ELMO1: variants seen among roughly 807,000 people sequenced by gnomAD.
ELMO1 encodes engulfment and cell motility protein 1.
A neutral mutation model predicts 98.9 loss-of-function variants in ELMO1; 26 were observed. The observed-to-expected ratio is 0.26, with a 90% CI of 0.19 to 0.36. ELMO1 has a LOEUF of 0.36. Ranked by LOEUF, ELMO1 falls within the 10% of genes least tolerant of loss-of-function variation. ELMO1 has a pLI of 1.00. For synonymous variants in ELMO1, 346 were observed against 346.0 expected (o/e 1.00, Z 0.00); for missense variants, 627 against 935.2 (o/e 0.67, Z 4.30).
chr7:37,154,851 C>T (rs992856786), intron 13 of ELMO1, among the ~76,000 whole-genome samples: 6 of 152,102 alleles, frequency 3.9e-5, no homozygotes, highest in Non-Finnish European at 4.4e-5. Context: ...AACCCCAAGA[C>T]ACATAATTGT....
intron 2 of ELMO1, among the ~76,000 whole-genome samples, chr7:37,332,525 A>G (rs1800189501): frequency 6.6e-6 from 1 of 152,238 alleles, no homozygotes; most frequent in Non-Finnish European, 1.5e-5. Flanking sequence ...GGCCTTAGAG[A>G]AAGGTCTAAG....
At chr7:37,120,388 G>A (rs529648792) in intron 14 of ELMO1, among the ~76,000 whole-genome samples, 212 of 152,356 alleles carry the variant, frequency 1.4e-3, no homozygotes, top group African/African-American at 5.0e-3. Context: ...AAGGGAAGGG[G>A]TAACAAACAG....
At chr7:37,226,113 G>T (rs186341860) in intron 8 of ELMO1, among the ~76,000 whole-genome samples, 1 of 152,256 alleles carries the variant, frequency 6.6e-6, no homozygotes, top group Admixed American at 6.5e-5. Context: ...ATTTCCAGGT[G>T]AAAGGAGGGG....
chr7:37,097,958 T>C (rs1427503211), intron 14 of ELMO1, among the ~76,000 whole-genome samples: 1 of 152,224 alleles, frequency 6.6e-6, no homozygotes, highest in Non-Finnish European at 1.5e-5. Context: ...GAGATGTTCC[T>C]AACACTCTCA....
intron 13 of ELMO1, among the ~76,000 whole-genome samples, chr7:37,144,646 C>T (rs2129312276): frequency 6.6e-6 from 1 of 152,298 alleles, no homozygotes; most frequent in South Asian, 2.1e-4. Context: ...TGAAATGCTG[C>T]TCTGTGAATC....
At chr7:37,308,505 A>AT (rs1426203234) in intron 4 of ELMO1, among the ~76,000 whole-genome samples, 1 of 152,102 alleles carries the variant, frequency 6.6e-6, no homozygotes, top group African/African-American at 2.4e-5. Context: ...CTCTGCCTAA[A>AT]TGTCACTTCC....
intron 1 of ELMO1, among the ~76,000 whole-genome samples, chr7:37,378,750 T>C (rs1802467541): frequency 6.6e-6 from 1 of 150,948 alleles, no homozygotes; most frequent in Admixed American, 6.6e-5. Context: ...TCATTCCTGA[T>C]CTTTTTTTTT....
intron 15 of ELMO1, among the ~76,000 whole-genome samples, chr7:37,047,495 G>T (rs1795862377): frequency 6.6e-6 from 1 of 152,236 alleles, no homozygotes; most frequent in Admixed American, 6.5e-5. Flanking sequence ...AGCAGGGCAG[G>T]TTCAGCTACT....
chr7:37,413,795 C>T (rs757770956), intron 1 of ELMO1, among the ~76,000 whole-genome samples: 14 of 152,166 alleles, frequency 9.2e-5, no homozygotes, highest in African/African-American at 2.2e-4. Flanking sequence ...CTTGTGCCTC[C>T]GCCGCCCAAA....
chr7:37,401,638 T>G (rs1340819607), intron 1 of ELMO1, among the ~76,000 whole-genome samples: 1 of 152,138 alleles, frequency 6.6e-6, no homozygotes. Context: ...AGGAGAAGAA[T>G]TCAGGCAAAA....
intron 13 of ELMO1, among the ~76,000 whole-genome samples, chr7:37,146,359 C>T (rs1218782277): frequency 1.3e-5 from 2 of 152,200 alleles, no homozygotes; most frequent in Non-Finnish European, 2.9e-5. Context: ...ATAAGAACCA[C>T]TGCTCCAAAG....
chr7:37,097,588 GAGAA>G (rs1450212833), intron 14 of ELMO1, among the ~76,000 whole-genome samples: 4 of 145,976 alleles, frequency 2.7e-5, no homozygotes, highest in African/African-American at 7.6e-5. Context: ...CACCTCAAAA[GAGAA>G]AGAAAGAGAG....
intron 21 of ELMO1, among the ~76,000 whole-genome samples, chr7:36,857,165 C>T (rs1802259787): frequency 6.6e-6 from 1 of 152,172 alleles, no homozygotes; most frequent in South Asian, 2.1e-4. Flanking sequence ...TCTACCTTGG[C>T]TATGTGATCT....
intron 4 of ELMO1, among the ~76,000 whole-genome samples, chr7:37,301,021 A>T (rs1282283470): frequency 1.3e-5 from 2 of 151,770 alleles, no homozygotes; most frequent in African/African-American, 2.4e-5. Context: ...CGAGGAATTT[A>T]TCCATTTCTT....
chr7:37,187,344 G>T (rs1259476160), intron 13 of ELMO1, among the ~76,000 whole-genome samples: 1 of 152,094 alleles, frequency 6.6e-6, no homozygotes, highest in Admixed American at 6.6e-5. Flanking sequence ...GTCTTGTTGG[G>T]ATAATGAAAA....
At chr7:37,282,953 A>G (rs1797216029) in intron 4 of ELMO1, among the ~76,000 whole-genome samples, 1 of 152,246 alleles carries the variant, frequency 6.6e-6, no homozygotes, top group African/African-American at 2.4e-5. Context: ...AAGCCAAAAA[A>G]AGAAAGAACA....
chr7:37,120,459 C>T (rs537997371), intron 14 of ELMO1, among the ~76,000 whole-genome samples: 74 of 152,326 alleles, frequency 4.9e-4, no homozygotes, highest in Non-Finnish European at 8.5e-4. Context: ...TTTTAGCAAA[C>T]GGCACACCAG....
chr7:37,011,227 G>T (rs1793529572), intron 16 of ELMO1, among the ~76,000 whole-genome samples: 1 of 152,148 alleles, frequency 6.6e-6, no homozygotes, highest in South Asian at 2.1e-4. Flanking sequence ...CACTCTGGGG[G>T]GCTTGCTGTC....
At chr7:37,366,413 G>T (rs1801905558) in intron 1 of ELMO1, among the ~76,000 whole-genome samples, 1 of 152,086 alleles carries the variant, frequency 6.6e-6, no homozygotes, top group African/African-American at 2.4e-5. Context: ...TGTGAGGAAG[G>T]TCAGCAAATA....
Sources: allele counts gnomAD v4.1 joint callset (sites outside exome capture counted in the v4.1 genomes callset), GRCh38; gene constraint gnomAD v4.1.1; transcripts MANE v1.5; gene names NCBI Gene and HGNC (gene_info 2026-07-23, HGNC 2026-07-21).